ADGRL4: variants seen among roughly 807,000 people sequenced by gnomAD.
The protein encoded by ADGRL4 is adhesion G protein-coupled receptor L4.
A neutral mutation model predicts 74.8 loss-of-function variants in ADGRL4; 90 were observed. The ratio of observed to expected loss-of-function variants is 1.20; its 90% CI spans 1.02 to 1.43. The LOEUF is 1.43. Ranked by LOEUF, ADGRL4 falls within the 40% of genes most tolerant of loss-of-function variation. The pLI is 0.00. For missense variants in ADGRL4, 881 were observed against 814.3 expected (o/e 1.08, Z -1.00); for synonymous variants, 311 against 279.2 (o/e 1.11, Z -1.14).
At chr1:78,891,852 T>C (rs1383077633) in intron 13 of ADGRL4, among the ~76,000 whole-genome samples, 160 bp from the exon 14 acceptor site, 2 of 152,186 alleles carry the variant, frequency 1.3e-5, no homozygotes, top group Non-Finnish European at 2.9e-5. Flanking sequence ...GTGCTGCAGT[T>C]AGGTGTGACA....
At chr1:78,910,191 G>A (rs1046580723) in intron 12 of ADGRL4, among the ~76,000 whole-genome samples, 4 of 151,842 alleles carry the variant, frequency 2.6e-5, no homozygotes, top group African/African-American at 9.6e-5. Context: ...TTGGCAATTT[G>A]TGCTACTAAA....
At chr1:78,997,397 G>A (rs575373391) in intron 2 of ADGRL4, among the ~76,000 whole-genome samples, 1 of 152,246 alleles carries the variant, frequency 6.6e-6, no homozygotes, top group Admixed American at 6.5e-5. Context: ...TTAGGCACTG[G>A]CTTGCATTAC....
chr1:78,952,122 T>G (rs534502822), intron 2 of ADGRL4, among the ~76,000 whole-genome samples: 28 of 152,022 alleles, frequency 1.8e-4, no homozygotes, highest in Non-Finnish European at 3.4e-4. Flanking sequence ...TTTTTATCAC[T>G]TGAGATATTA....
intron 7 of ADGRL4, among the ~76,000 whole-genome samples, chr1:78,934,539 C>A (rs1359532765): frequency 6.6e-6 from 1 of 151,930 alleles, no homozygotes; most frequent in South Asian, 2.1e-4. Flanking sequence ...CTACAAAAGC[C>A]AAAATTGAAA....
intron 2 of ADGRL4, among the ~76,000 whole-genome samples, chr1:78,975,039 C>T (rs962584304): frequency 2.0e-5 from 3 of 152,118 alleles, no homozygotes; most frequent in Non-Finnish European, 4.4e-5. Context: ...ATGAACAAAA[C>T]CAACAAACAG....
chr1:78,899,763 C>CT (rs35005177), intron 12 of ADGRL4, among the ~76,000 whole-genome samples: 63 of 144,806 alleles, frequency 4.4e-4, no homozygotes, highest in Admixed American at 6.2e-4. Flanking sequence ...GTCTGATTTT[C>CT]TTTTTTTTTT....
chr1:78,926,345 T>C (rs866087492), intron 8 of ADGRL4, among the ~76,000 whole-genome samples: 10 of 152,070 alleles, frequency 6.6e-5, no homozygotes, highest in Middle Eastern at 3.2e-3. Context: ...GTTCTAATCA[T>C]GCTTTTTTAT....
chr1:78,891,251 A>C (rs938348930), intron 14 of ADGRL4, 35 bp from the exon 15 acceptor site: 1 of 1,549,842 alleles, frequency 6.5e-7, no homozygotes, highest in Non-Finnish European at 8.8e-7. Context: ...AGAAATGTTA[A>C]TCATAACAAT....
chr1:78,951,720 A>G (rs994954275), intron 2 of ADGRL4, among the ~76,000 whole-genome samples: 15 of 152,248 alleles, frequency 9.9e-5, no homozygotes, highest in African/African-American at 3.6e-4. Context: ...ACTAAAGCTC[A>G]GATGGGTTAA....
rs1202838532 is a variant in ADGRL4, at chr1:78,917,935, T to C, written c.1577A>G (p.Lys526Arg). The C allele has an allele frequency of 6.2e-7, 1 of 1,612,618 alleles. No homozygotes were observed. The highest frequency in any genetic ancestry group is 1.6e-4 in the Middle Eastern group (1 of 6,068). The stretch of plus-strand genomic sequence containing the variant: ...ATAAAAATTCTTGTGCAAAAATCCC[T>C]TGTTGTAGATGACACCCACAACAAT... ...YLIVVGVIYN[K>R]GFLHKNFYIF... The change falls in exon 11 of 15, where the codon AAG (lysine) becomes AGG (arginine). Residue 526 changes from lysine to arginine, a missense_variant. Coordinates refer to ENST00000370742, the MANE Select transcript of ADGRL4 (RefSeq NM_022159.4).
At chr1:78,997,144 TA>T (rs1166716984) in intron 2 of ADGRL4, among the ~76,000 whole-genome samples, 2 of 150,316 alleles carry the variant, frequency 1.3e-5, no homozygotes, top group African/African-American at 2.5e-5. Context: ...AGGAGGAATA[TA>T]AAAAAAGGTC....
At position 78,889,811 on chromosome 1, in the gene ADGRL4, C is replaced by T. The variant is rs1362547351; in HGVS notation, c.*1343G>A. 2 of 460,656 alleles carry T rather than the reference C, an allele frequency of 4.3e-6. No homozygotes were observed. Among genetic ancestry groups the T allele is most frequent in the Non-Finnish European group, 9.0e-6 (2 of 221,834 alleles). The allele number at this position is 460,656 out of a possible 1,614,324, so 28.5% of individuals were successfully genotyped here. On this transcript the variant is annotated 3_prime_UTR_variant, in exon 15 of 15. Coordinates refer to ENST00000370742, the MANE Select transcript of ADGRL4 (RefSeq NM_022159.4). ...TGTTAGAGCAAGATTTGGCAGACTT[C>T]ATTTCAACAGCTGGAGGAATTAATT... is the stretch of plus-strand genomic sequence containing the variant.
chr1:78,966,608 C>CT (rs1165149561), intron 2 of ADGRL4, among the ~76,000 whole-genome samples: 1 of 152,066 alleles, frequency 6.6e-6, no homozygotes, highest in Non-Finnish European at 1.5e-5. Context: ...TTTCCTTCCT[C>CT]TTTTTGGAAT....
chr1:78,924,685 A>G (rs1425376944), intron 8 of ADGRL4, among the ~76,000 whole-genome samples: 2 of 152,246 alleles, frequency 1.3e-5, no homozygotes, highest in African/African-American at 4.8e-5. Flanking sequence ...ATGGATAAAT[A>G]GAAATTTAAG....
intron 7 of ADGRL4, among the ~76,000 whole-genome samples, chr1:78,927,988 T>C (rs1479724131): frequency 6.8e-6 from 1 of 147,238 alleles, no homozygotes; most frequent in African/African-American, 2.7e-5. Context: ...GTTGGGCTAG[T>C]GAAATTATGA....
chr1:78,963,690 T>C (rs1465843091), intron 2 of ADGRL4, among the ~76,000 whole-genome samples: 1 of 152,194 alleles, frequency 6.6e-6, no homozygotes, highest in Non-Finnish European at 1.5e-5. Context: ...ATTAGTCTTG[T>C]GACAATTTTA....
intron 2 of ADGRL4, among the ~76,000 whole-genome samples, chr1:78,989,103 C>T (rs1437574952): frequency 6.6e-6 from 1 of 151,708 alleles, no homozygotes; most frequent in Non-Finnish European, 1.5e-5. Context: ...GACACTTATT[C>T]AATTTCTGTG....
chr1:78,943,671 G>T (rs189898222), intron 3 of ADGRL4, among the ~76,000 whole-genome samples: 1 of 152,132 alleles, frequency 6.6e-6, no homozygotes, highest in African/African-American at 2.4e-5. Context: ...GCAAAAGGGA[G>T]TAGATTTATG....
intron 3 of ADGRL4, 88 bp downstream of exon 3, chr1:78,946,186 G>T: frequency 2.0e-6 from 2 of 1,004,166 alleles, no homozygotes; most frequent in Non-Finnish European, 2.8e-6. Context: ...TCAAGGTCTG[G>T]CAGAATTTGG....
Sources: gnomAD v4.1 joint callset for allele counts (sites outside exome capture counted in the v4.1 genomes callset) on GRCh38, gnomAD v4.1.1 for gene constraint, MANE v1.5 for transcripts, NCBI Gene and HGNC (gene_info 2026-07-23, HGNC 2026-07-21) for gene names.